Variants in CACNA2D4 observed in about 807,000 individuals in gnomAD.
CACNA2D4 encodes voltage-dependent calcium channel subunit alpha-2/delta-4.
CACNA2D4 carries 157 observed loss-of-function variants against 163.8 expected under a neutral mutation model. That is an observed-to-expected ratio of 0.96 (90% CI 0.84 to 1.09). The LOEUF (loss-of-function observed/expected upper bound fraction) is 1.09. CACNA2D4 is among the 50% of genes least tolerant of loss of function. The pLI, the probability that CACNA2D4 is intolerant of heterozygous loss-of-function variation, is 0.00. For synonymous variants in CACNA2D4, 598 were observed against 586.9 expected, an observed-to-expected ratio of 1.02 and a Z score of -0.27; for missense variants, 1,410 against 1,479.9, an observed-to-expected ratio of 0.95 and a Z score of 0.78.
At chr12:1,811,512 G>T in intron 27 of CACNA2D4, 150 bp downstream of exon 27, 1 of 800,936 alleles carries the variant, frequency 1.2e-6, no homozygotes, top group Non-Finnish European at 2.1e-6. Flanking sequence ...CCTGCAGGCT[G>T]GGGAGCTGAG....
intron 1 of CACNA2D4, among the ~76,000 whole-genome samples, chr12:1,916,354 G>A (rs182261138): frequency 0.015 from 2,328 of 152,290 alleles, 47 homozygotes; most frequent in African/African-American, 0.054. Context: ...TACCTTGAAA[G>A]ACACAAATCT....
At chr12:1,868,868 A>T (rs1865711277) in intron 18 of CACNA2D4, among the ~76,000 whole-genome samples, 1 of 152,132 alleles carries the variant, frequency 6.6e-6, no homozygotes, top group Non-Finnish European at 1.5e-5. Context: ...TCCCTTAAAC[A>T]ATACAGTGTA....
intron 23 of CACNA2D4, among the ~76,000 whole-genome samples, chr12:1,848,269 T>C (rs921665018): frequency 5.9e-5 from 9 of 152,290 alleles, no homozygotes; most frequent in African/African-American, 1.7e-4. Flanking sequence ...TTCCTTGCAA[T>C]CGATGTGTGG....
Position 1,878,258 on chromosome 12 carries a change from A to T in CACNA2D4, c.1719+57T>A, listed in dbSNP as rs1865920668. On this transcript the variant is annotated intron_variant, in intron 16 of 37. Transcript: ENST00000382722. This position sits in a 1 kb window ranked among gnomAD's most constrained non-coding sequence, Gnocchi z 4.6. ...GTTTGTTGTTTTAATCGTTTTTGTGAATTACCCCCAAATCCCATACAGTAA... is the reference window on the plus strand; with the variant it reads ...GTTTGTTGTTTTAATCGTTTTTGTGTATTACCCCCAAATCCCATACAGTAA... 1 of 1,558,256 alleles carries T rather than the reference A, an allele frequency of 6.4e-7. No homozygotes were observed. The highest frequency in any genetic ancestry group is 8.7e-7 in the Non-Finnish European group (1 of 1,148,108).
chr12:1,888,708 G>A (rs1358573336), intron 6 of CACNA2D4, among the ~76,000 whole-genome samples: 1 of 152,208 alleles, frequency 6.6e-6, no homozygotes, highest in Non-Finnish European at 1.5e-5. Context: ...ATTTGTGGAT[G>A]TATCCAGAGT....
chr12:1,846,911 A>G (rs555809557), intron 23 of CACNA2D4, among the ~76,000 whole-genome samples: 1 of 152,322 alleles, frequency 6.6e-6, no homozygotes, highest in African/African-American at 2.4e-5. Context: ...CACCCCTGTG[A>G]AGTGAAGCCC....
intron 26 of CACNA2D4, among the ~76,000 whole-genome samples, chr12:1,821,205 C>A (rs1025134566): frequency 2.0e-5 from 3 of 152,162 alleles, no homozygotes; most frequent in Non-Finnish European, 4.4e-5. Context: ...ACTCGGGGGT[C>A]ATGGGAAGCG....
chr12:1,828,000 C>CG (rs1397622499), intron 26 of CACNA2D4: 1 of 563,064 alleles, frequency 1.8e-6, no homozygotes, highest in Non-Finnish European at 3.0e-6. Flanking sequence ...AAGAGACACC[C>CG]GGGCCCTCTC....
At chr12:1,840,231 T>G (rs1864983389) in intron 26 of CACNA2D4, among the ~76,000 whole-genome samples, 1 of 151,982 alleles carries the variant, frequency 6.6e-6, no homozygotes, top group Non-Finnish European at 1.5e-5. Flanking sequence ...CGGTAAATAT[T>G]AGCTTTATGA....
chr12:1,860,237 C>T (rs773167661), intron 18 of CACNA2D4, 31 bp from the exon 19 acceptor site: 76 of 1,590,836 alleles, frequency 4.8e-5, no homozygotes, highest in South Asian at 1.3e-4. Context: ...AGAGTGCTCA[C>T]GCAGAGAAGA....
intron 29 of CACNA2D4, chr12:1,809,505 C>G: frequency 2.8e-6 from 2 of 702,310 alleles, no homozygotes. Flanking sequence ...GGAAATACAT[C>G]TGGTGAATAT....
In CACNA2D4 at chr12:1,907,573, T is replaced by C. The variant is rs1344354002; in HGVS notation, c.650-2A>G. 6.2e-7 allele frequency: 1 copy of C among 1,611,886 alleles called. No individual in the cohort carries two copies. Among genetic ancestry groups the C allele is most frequent in the Non-Finnish European group, 8.5e-7 (1 of 1,178,504 alleles). ...AGACTCCATTTAAAATATCTGGGTC[T>C]GAAGGGTGAGACTATAGATTATGAT... On this transcript the variant is annotated splice_acceptor_variant, in intron 5 of 37. Coordinates refer to ENST00000382722, the MANE Select transcript of CACNA2D4 (RefSeq NM_172364.5). LOFTEE classifies it high-confidence loss of function.
At chr12:1,915,233 G>A in intron 1 of CACNA2D4, 1 of 702,614 alleles carries the variant, frequency 1.4e-6, no homozygotes, top group Non-Finnish European at 2.6e-6. Flanking sequence ...GCCATGGCCT[G>A]GGCAGGAGAC....
chr12:1,824,013 G>A (rs1864217676), intron 26 of CACNA2D4, among the ~76,000 whole-genome samples: 2 of 152,210 alleles, frequency 1.3e-5, no homozygotes, highest in South Asian at 4.1e-4. Flanking sequence ...CATTTCTGGT[G>A]CCTCAGTTTC....
Position 1,869,774 on chromosome 12 carries a change from C to A in CACNA2D4, c.1878+4830G>T, listed in dbSNP as rs960237641. ...CCAGGGGCTCTGTTCTTTGACCAAG[C>A]CCTAACCATTTCTCCGCTGAGATTC... On this transcript the variant is annotated intron_variant, in intron 18 of 37. Transcript: ENST00000382722. This position sits in a 1 kb window ranked among gnomAD's most constrained non-coding sequence, Gnocchi z 4.7. Among the ~76,000 whole-genome samples the A allele has an allele frequency of 1.3e-5, 2 of 152,180 alleles. No individual in the cohort carries two copies. Among genetic ancestry groups the A allele is most frequent in the African/African-American group, 4.8e-5 (2 of 41,430 alleles).
chr12:1,854,406 T>G (rs916710701), intron 22 of CACNA2D4, among the ~76,000 whole-genome samples: 8 of 152,080 alleles, frequency 5.3e-5, no homozygotes, highest in Non-Finnish European at 7.4e-5. Context: ...CTGTGAATTT[T>G]TTGTTGTTGT....
chr12:1,810,587 A>G lies in CACNA2D4; in HGVS notation c.2614T>C (p.Cys872Arg), dbSNP rs1256061086. Reference sequence around the variant, plus strand: ...GTGCACGGCCCATCCACAGTGCTGCACTGGAAGGAAGAGGAGAGACTGAAT... The same window carrying G: ...GTGCACGGCCCATCCACAGTGCTGCGCTGGAAGGAAGAGGAGAGACTGAAT... ...QRKFWAATRQCSTVDGPCTQS... is the reference protein window; with the variant it reads ...QRKFWAATRQRSTVDGPCTQS... Residue 872 changes from cysteine to arginine, a missense_variant and splice_region_variant, in exon 28 of 38, where the codon TGC (cysteine) becomes CGC (arginine). By Grantham distance (180) the Cys-to-Arg change is radical. Transcript: ENST00000382722. 3.9e-6 allele frequency: 6 copies of G among 1,553,208 alleles called. No individual in the cohort carries two copies. Among genetic ancestry groups the G allele is most frequent in the Admixed American group, 3.9e-5 (2 of 51,170 alleles).
rs771449767 is a variant in CACNA2D4, at chr12:1,834,421, G to A, written c.2551+6318C>T. 1.9e-6 allele frequency: 3 copies of A among 1,612,860 alleles called. No individual in the cohort carries two copies. In the South Asian group the frequency reaches 3.3e-5, roughly 18 times the overall value. On this transcript the variant is annotated intron_variant, in intron 26 of 37. Coordinates refer to ENST00000382722, the MANE Select transcript of CACNA2D4 (RefSeq NM_172364.5). The surrounding 1 kb of genome is among the most constrained non-coding windows in gnomAD (Gnocchi z 7.6). Reference sequence around the variant, plus strand: ...ATATTCCTGGGCCACCCTGCACCAAGGCCAGTCCAGAGCCTGCTAAGCCCA... The same window carrying A: ...ATATTCCTGGGCCACCCTGCACCAAAGCCAGTCCAGAGCCTGCTAAGCCCA...
In CACNA2D4 at chr12:1,797,491, C is replaced by A. The variant is rs1555173761; in HGVS notation, c.3040G>T (p.Glu1014Ter). The change falls in exon 35 of 38, where the codon GAG becomes TAG. Residue 1014 changes from glutamate (E) to a stop codon, truncating the protein, a stop_gained. Coordinates refer to ENST00000382722, the MANE Select transcript of CACNA2D4 (RefSeq NM_172364.5). LOFTEE classifies it high-confidence loss of function. ...KQDPLQPCDT[E>*]YPVFVYQPAI... ...GGCTGGTACACGAACACGGGGTACT[C>A]CGTGTCGCAGGGCTGCAGCGGGTCC... The A allele has an allele frequency of 6.3e-7, 1 of 1,585,224 alleles. No individual in the cohort carries two copies. Among genetic ancestry groups the A allele is most frequent in the Middle Eastern group, 1.7e-4 (1 of 6,030 alleles).
Sources: gnomAD v4.1 joint callset for allele counts (sites outside exome capture counted in the v4.1 genomes callset) on GRCh38, gnomAD v4.1.1 for gene constraint, Gnocchi (gnomAD v3.1) non-coding constraint, MANE v1.5 for transcripts, NCBI Gene and HGNC (gene_info 2026-07-23, HGNC 2026-07-21) for gene names.